The following BTF3 variants were observed in gnomAD, a reference collection of about 807,000 sequenced individuals.
The protein encoded by BTF3 is transcription factor BTF3.
BTF3 carries 12 observed loss-of-function variants against 23.9 expected under a neutral mutation model. That is an observed-to-expected ratio of 0.50 (90% CI 0.32 to 0.81). The LOEUF (loss-of-function observed/expected upper bound fraction) is 0.81, where lower values mean the gene tolerates loss of function less well. Ranked by LOEUF, BTF3 falls within the 40% of genes least tolerant of loss-of-function variation. The pLI is 0.03. For missense variants in BTF3, 215 were observed against 255.9 expected (o/e 0.84, Z 1.09); for synonymous variants, 96 against 94.8 (o/e 1.01, Z -0.07).
intron 2 of BTF3, 29 bp downstream of exon 2, chr5:73,499,231 T>C (rs777899021): frequency 6.3e-6 from 9 of 1,425,492 alleles, no homozygotes; most frequent in Non-Finnish European, 7.5e-6. Context: ...GGTTTGTGGG[T>C]TTTTTTTTTA....
Position 73,503,067 on chromosome 5 carries a change from C to G in BTF3, c.467C>G (p.Ala156Gly). Reference protein sequence around the residue: ...MLPSILNQLGADSLTSLRRLA... With the variant: ...MLPSILNQLGGDSLTSLRRLA... ...CCCAGCATCTTAAACCAGCTTGGTG[C>G]GGATAGTCTGACTAGTTTAAGGAGA... The change falls in exon 4 of 6, where the codon GCG becomes GGG. Residue 156 changes from alanine to glycine, a missense_variant. By Grantham distance (60) the Ala-to-Gly change is moderately conservative. Around this residue, in one of 2 missense-constraint regions of BTF3, gnomAD observed 99 missense variants for 171.2 expected, o/e 0.58. Coordinates refer to ENST00000380591, the MANE Select transcript of BTF3 (RefSeq NM_001037637.2). 6.2e-7 allele frequency: 1 copy of G among 1,614,022 alleles called. No individual in the cohort carries two copies. The highest frequency in any genetic ancestry group is 8.5e-7 in the Non-Finnish European group (1 of 1,179,974).
chr5:73,502,982 G>T lies in BTF3; in HGVS notation c.382G>T (p.Ala128Ser). ...FNNPKVQASL[A>S]ANTFTITGHA... is the part of the protein sequence containing the mutation. ...CAACCCTAAAGTTCAGGCATCTCTGGCAGCGAACACTTTCACCATTACAGG... is the reference window on the plus strand; with the variant it reads ...CAACCCTAAAGTTCAGGCATCTCTGTCAGCGAACACTTTCACCATTACAGG... The change falls in exon 4 of 6, where the codon GCA becomes TCA. Residue 128 changes from alanine (A) to serine (S), a missense_variant. Ala to Ser is a moderately conservative substitution (Grantham distance 99). Transcript: ENST00000380591. The T allele has an allele frequency of 6.2e-7, 1 of 1,613,474 alleles. No homozygotes were observed. Among genetic ancestry groups the T allele is most frequent in the Non-Finnish European group, 8.5e-7 (1 of 1,179,844 alleles).
intron 2 of BTF3, among the ~76,000 whole-genome samples, 173 bp from the exon 3 acceptor site, chr5:73,502,314 AT>A (rs1580358443): frequency 6.6e-6 from 1 of 151,952 alleles, no homozygotes; most frequent in Non-Finnish European, 1.5e-5. Context: ...TTCCTTTCCC[AT>A]TTTTTGCTTC....
chr5:73,503,475 A>G (rs945710672), intron 4 of BTF3, among the ~76,000 whole-genome samples: 4 of 152,352 alleles, frequency 2.6e-5, no homozygotes, highest in South Asian at 4.1e-4. Flanking sequence ...AGTTTCATCT[A>G]TATAGTTCGT....
Position 73,498,553 on chromosome 5 carries a change from G to C in BTF3, c.-115G>C. ...CCCCGCGCGGCCCCTTATTCGCTCC[G>C]ACAAGGTACAAAAAGGCTCTGGACG... is the stretch of plus-strand genomic sequence containing the variant. On this transcript the variant is annotated 5_prime_UTR_variant, in exon 1 of 6. Transcript: ENST00000380591. 1.5e-6 allele frequency: 2 copies of C among 1,378,558 alleles called. No homozygotes were observed. The highest frequency in any genetic ancestry group is 1.9e-6 in the Non-Finnish European group (2 of 1,071,154). The allele number at this position is 1,378,558 out of a possible 1,614,324, so 85.4% of individuals were successfully genotyped here.
rs1300448238 is a variant in BTF3, at chr5:73,504,376, G to A, written c.547G>A (p.Gly183Arg). The A allele has an allele frequency of 3.8e-6, 6 of 1,591,330 alleles. No individual in the cohort carries two copies. Among genetic ancestry groups the A allele is most frequent in the Middle Eastern group, 3.3e-4 (2 of 5,976 alleles). ...SVDGKAPLAT[G>R]EDDDDEVPDL... ...GGATGGAAAAGCACCACTTGCTACTGGAGAGGATGATGATGATGAAGTTCC... is the reference window on the plus strand; with the variant it reads ...GGATGGAAAAGCACCACTTGCTACTAGAGAGGATGATGATGATGAAGTTCC... The change falls in exon 5 of 6, where the codon GGA (glycine) becomes AGA (arginine). Residue 183 changes from glycine (G) to arginine (R), a missense_variant. Physicochemically the swap from Gly to Arg is moderately radical, Grantham distance 125. Around this residue, in one of 2 missense-constraint regions of BTF3, gnomAD observed 99 missense variants for 171.2 expected, o/e 0.58. Transcript: ENST00000380591.
At chr5:73,501,709 A>C (rs772708188) in intron 2 of BTF3, among the ~76,000 whole-genome samples, 4 of 152,174 alleles carry the variant, frequency 2.6e-5, no homozygotes, top group Non-Finnish European at 2.9e-5. Context: ...CAGGAGTGGC[A>C]TATTAAGGGC....
chr5:73,499,707 C>A, intron 2 of BTF3: 1 of 191,408 alleles, frequency 5.2e-6, no homozygotes. Flanking sequence ...AAAATATAAC[C>A]CAAGTAGGTA....
Position 73,498,732 on chromosome 5 carries a change from G to T in BTF3, c.65G>T (p.Cys22Phe), listed in dbSNP as rs906717629. 2 of 1,490,438 alleles carry T rather than the reference G, an allele frequency of 1.3e-6. No individual in the cohort carries two copies. The highest frequency in any genetic ancestry group is 1.8e-6 in the Non-Finnish European group (2 of 1,130,804). The allele number at this position is 1,490,438 out of a possible 1,614,324, so 92.3% of individuals were successfully genotyped here. The change falls in exon 1 of 6, where the codon TGC becomes TTC. Residue 22 changes from cysteine (C) to phenylalanine (F), a missense_variant. Cys to Phe is a radical substitution (Grantham distance 205). This residue lies in a region of BTF3 where 116 missense variants were observed against 84.7 expected (regional missense o/e 1.37). Coordinates refer to ENST00000380591, the MANE Select transcript of BTF3 (RefSeq NM_001037637.2). ...SRGRGRARGG[C>F]PGGEATLSQP... ...GGGCGAGGTCGAGCCAGGGGCGGCT[G>T]CCCTGGGGGCGAGGCGACGCTGTCT...
Position 73,502,621 on chromosome 5 carries a change from A to G in BTF3, c.315+20A>G. ...GAAGAGGCAAGTATCAAATTTTGTT[A>G]CTTTAAAAAACAAGATTTGGCTGGG... On this transcript the variant is annotated intron_variant, in intron 3 of 5. Transcript: ENST00000380591. 2 of 1,543,998 alleles carry G rather than the reference A, an allele frequency of 1.3e-6. No homozygotes were observed. Among genetic ancestry groups the G allele is most frequent in the Non-Finnish European group, 1.8e-6 (2 of 1,142,016 alleles).
intron 1 of BTF3, 81 bp downstream of exon 1, chr5:73,498,880 G>C (rs958149151): frequency 6.7e-7 from 1 of 1,482,380 alleles, no homozygotes; most frequent in Admixed American, 2.8e-5. Context: ...GGGGTGGGGG[G>C]TGCTGGCCAG....
At position 73,502,529 on chromosome 5, in the gene BTF3, C is replaced by A. The variant is rs1424714855; in HGVS notation, c.243C>A (p.Ala81=). ...AGAAGAAGGTGGTTCATAGAACAGC[C>A]ACAGCAGATGACAAAAAACTTCAGT... ...RRKKKVVHRT[A]TADDKKLQFS... is the part of the protein sequence containing the mutation. Residue 81 remains alanine (A), a synonymous_variant, in exon 3 of 6, where the codon GCC becomes GCA. Coordinates refer to ENST00000380591, the MANE Select transcript of BTF3 (RefSeq NM_001037637.2). 5 of 1,609,846 alleles carry A rather than the reference C, an allele frequency of 3.1e-6. No individual in the cohort carries two copies. The highest frequency in any genetic ancestry group is 4.2e-6 in the Non-Finnish European group (5 of 1,178,976).
intron 1 of BTF3, 101 bp downstream of exon 1, chr5:73,498,900 A>G: frequency 1.4e-6 from 2 of 1,449,994 alleles, no homozygotes; most frequent in Non-Finnish European, 1.8e-6. Flanking sequence ...GGCGTGGGGT[A>G]GAGCCTTTCA....
rs991930087 is a variant in BTF3, at chr5:73,498,874, T to G, written c.132+75T>G. ...GCCGAGGCCAGGCCAGGGCCAGGGG[T>G]GGGGGGTGCTGGCCAGGCGTGGGGT... On this transcript the variant is annotated intron_variant, in intron 1 of 5. Coordinates refer to ENST00000380591, the MANE Select transcript of BTF3 (RefSeq NM_001037637.2). 11 of 1,434,628 alleles carry G rather than the reference T, an allele frequency of 7.7e-6. No individual in the cohort carries two copies. In the African/African-American group the frequency reaches 8.3e-5, roughly 11 times the overall value. 88.9% of individuals were successfully genotyped at this position (1,434,628 alleles called of 1,614,324 possible).
intron 3 of BTF3, 148 bp downstream of exon 3, chr5:73,502,749 G>A (rs1746467978): frequency 1.2e-6 from 1 of 832,290 alleles, no homozygotes; most frequent in African/African-American, 1.7e-5. Flanking sequence ...ATAAATATCA[G>A]GGAGCTCATT....
intron 4 of BTF3, among the ~76,000 whole-genome samples, 180 bp downstream of exon 4, chr5:73,503,297 G>A (rs1158366681): frequency 1.3e-5 from 2 of 152,108 alleles, no homozygotes; most frequent in African/African-American, 2.4e-5. Flanking sequence ...TTGATGTAGC[G>A]TGCCATGATT....
At chr5:73,505,109 C>A in intron 5 of BTF3, 83 bp from the exon 6 acceptor site, 1 of 1,082,916 alleles carries the variant, frequency 9.2e-7, no homozygotes, top group Non-Finnish European at 1.4e-6. Context: ...AAATGAATGT[C>A]TTTCCTTCAT....
At chr5:73,499,368 A>T in intron 2 of BTF3, 166 bp downstream of exon 2, 1 of 752,538 alleles carries the variant, frequency 1.3e-6, no homozygotes, top group East Asian at 2.7e-5. Context: ...AGGGTTGGAG[A>T]CACATCAGTG....
intron 2 of BTF3, among the ~76,000 whole-genome samples, chr5:73,500,788 G>A (rs1746417556): frequency 1.3e-5 from 2 of 152,116 alleles, no homozygotes; most frequent in Non-Finnish European, 1.5e-5. Context: ...GAAACCTCTA[G>A]AAAGTATGCT....
Sources: gnomAD v4.1 joint callset for allele counts (sites outside exome capture counted in the v4.1 genomes callset) on GRCh38, gnomAD v4.1.1 for gene constraint, gnomAD v4.1.1 regional missense constraint, MANE v1.5 for transcripts, NCBI Gene and HGNC (gene_info 2026-07-23, HGNC 2026-07-21) for gene names.